Variants in PNPLA1 observed in about 807,000 individuals in gnomAD.
PNPLA1 encodes patatin like domain 1, omega-hydroxyceramide transacylase.
Under a neutral mutation model 51.7 loss-of-function variants are expected in PNPLA1, and 36 were observed. That is an observed-to-expected ratio of 0.70 (90% CI 0.53 to 0.92). The LOEUF (loss-of-function observed/expected upper bound fraction) is 0.92, where lower values mean the gene tolerates loss of function less well. Among genes scored for constraint, PNPLA1 ranks in the 40% least tolerant of loss-of-function variants. The probability of loss-of-function intolerance (pLI) is 0.00; values close to 1 mark genes in which losing one functional copy is unlikely to be tolerated. For missense variants in PNPLA1, 658 were observed against 682.5 expected (o/e 0.96, Z 0.40); for synonymous variants, 293 against 280.1 (o/e 1.05, Z -0.46).
Position 36,294,616 on chromosome 6 carries a change from G to A in PNPLA1, c.714+217G>A, listed in dbSNP as rs533036176. On this transcript the variant is annotated intron_variant, in intron 4 of 8. Transcript: ENST00000636260. This position sits in a 1 kb window ranked among gnomAD's most constrained non-coding sequence, Gnocchi z 4.2. The stretch of plus-strand genomic sequence containing the variant: ...TCTCCCAGCTTCAACATTCTCCCCG[G>A]TAAAGCGAGATGATGCCAGAAGTGC... Among the ~76,000 whole-genome samples, 1 of 152,256 alleles carries A rather than the reference G, an allele frequency of 6.6e-6. No homozygotes were observed. Among genetic ancestry groups the A allele is most frequent in the Admixed American group, 6.5e-5 (1 of 15,288 alleles).
At chr6:36,269,684 C>G (rs1030601902), upstream of PNPLA1, among the ~76,000 whole-genome samples, 2 of 152,158 alleles carry the variant, frequency 1.3e-5, no homozygotes, top group Admixed American at 6.5e-5. Flanking sequence ...GGAGAAGAAA[C>G]AGAGAGAGGT....
chr6:36,261,738 G>A (rs1769653836), intron 1 of PNPLA1, among the ~76,000 whole-genome samples: 1 of 152,212 alleles, frequency 6.6e-6, no homozygotes, highest in African/African-American at 2.4e-5. Context: ...CCATTTTCTA[G>A]ATGAGAAAGC....
intron 3 of PNPLA1, among the ~76,000 whole-genome samples, chr6:36,293,882 T>C (rs769718960): frequency 2.0e-5 from 3 of 151,896 alleles, no homozygotes; most frequent in Non-Finnish European, 4.4e-5. Context: ...TTACCCAGAG[T>C]ATGGGTCCCC....
rs947326480 is a variant in PNPLA1, at chr6:36,294,828, C to T, written c.714+429C>T. On this transcript the variant is annotated intron_variant, in intron 4 of 8. Coordinates refer to ENST00000636260, the MANE Select transcript of PNPLA1 (RefSeq NM_001374623.1). The surrounding 1 kb of genome is among the most constrained non-coding windows in gnomAD (Gnocchi z 4.2). The stretch of plus-strand genomic sequence containing the variant: ...AAAAAAAGAAGAAAAAGAAAAAGAA[C>T]ATTAGGCAGAGACTGCATGTGGCCA... Among the ~76,000 whole-genome samples, 10 of 152,186 alleles carry T rather than the reference C, an allele frequency of 6.6e-5. No individual in the cohort carries two copies. Among genetic ancestry groups the T allele is most frequent in the Admixed American group, 3.9e-4 (6 of 15,282 alleles).
intron 1 of PNPLA1, among the ~76,000 whole-genome samples, chr6:36,276,497 C>G (rs1215164394): frequency 2.0e-5 from 3 of 152,214 alleles, no homozygotes; most frequent in Non-Finnish European, 4.4e-5. Flanking sequence ...TTAATCCATT[C>G]ATTCACCTAG....
intron 1 of PNPLA1, among the ~76,000 whole-genome samples, chr6:36,259,759 CACTT>C (rs1769607970): frequency 6.6e-6 from 1 of 152,160 alleles, no homozygotes; most frequent in Non-Finnish European, 1.5e-5. Flanking sequence ...CGCATGTTCT[CACTT>C]ATAAGTGGGA....
intron 1 of PNPLA1, among the ~76,000 whole-genome samples, chr6:36,256,420 CT>C (rs1212757670): frequency 6.6e-6 from 1 of 151,940 alleles, no homozygotes; most frequent in African/African-American, 2.4e-5. Flanking sequence ...ACTTATGATG[CT>C]CTAAGAAATT....
At chr6:36,271,679 G>A (rs1342885457) in intron 1 of PNPLA1, among the ~76,000 whole-genome samples, 1 of 152,236 alleles carries the variant, frequency 6.6e-6, no homozygotes, top group Non-Finnish European at 1.5e-5. Context: ...GCTACTGGGA[G>A]CTCCTGAAAA....
intron 1 of PNPLA1, among the ~76,000 whole-genome samples, chr6:36,245,782 A>G (rs896589868): frequency 2.0e-5 from 3 of 152,178 alleles, no homozygotes; most frequent in African/African-American, 2.4e-5. Flanking sequence ...GTAGGCAAAC[A>G]GGGGCTCAGG....
upstream of PNPLA1, among the ~76,000 whole-genome samples, chr6:36,269,545 GA>G (rs1769845923): frequency 6.6e-6 from 1 of 152,096 alleles, no homozygotes; most frequent in Non-Finnish European, 1.5e-5. Context: ...CACGCAACAC[GA>G]AGCCTCACAC....
At chr6:36,247,820 T>C (rs1288528769) in intron 1 of PNPLA1, among the ~76,000 whole-genome samples, 1 of 152,254 alleles carries the variant, frequency 6.6e-6, no homozygotes, top group African/African-American at 2.4e-5. Context: ...CACAGGATTC[T>C]GAACCCTTAC....
chr6:36,248,065 C>CA (rs1769336998), intron 1 of PNPLA1, among the ~76,000 whole-genome samples: 1 of 152,170 alleles, frequency 6.6e-6, no homozygotes, highest in Non-Finnish European at 1.5e-5. Context: ...CACCGTGTAC[C>CA]ATGCCCTCTC....
At chr6:36,295,284 G>A (rs1037111284) in intron 4 of PNPLA1, 80 bp from the exon 5 acceptor site, 19 of 1,429,424 alleles carry the variant, frequency 1.3e-5, no homozygotes, top group Middle Eastern at 1.8e-4. Context: ...AGCAATGGGA[G>A]TAGCTGCCCT....
intron 4 of PNPLA1, among the ~76,000 whole-genome samples, chr6:36,295,055 T>C (rs1227834135): frequency 6.6e-6 from 1 of 152,138 alleles, no homozygotes; most frequent in African/African-American, 2.4e-5. Context: ...GGCTCCAAAC[T>C]TTGCTCTTCA....
At chr6:36,261,143 G>A (rs1377673398) in intron 1 of PNPLA1, among the ~76,000 whole-genome samples, 1 of 152,176 alleles carries the variant, frequency 6.6e-6, no homozygotes, top group African/African-American at 2.4e-5. Context: ...CCATTTTCAT[G>A]ATCATTTTTA....
In PNPLA1 at chr6:36,270,493, A is replaced by C. The variant is rs1582045770; in HGVS notation, c.34A>C (p.Thr12Pro). 1 of 1,551,248 alleles carries C rather than the reference A, an allele frequency of 6.4e-7. No homozygotes were observed. Among genetic ancestry groups the C allele is most frequent in the Non-Finnish European group, 8.7e-7 (1 of 1,146,942 alleles). Residue 12 changes from threonine (T) to proline (P), a missense_variant, in exon 1 of 9, where the codon ACC becomes CCC. Transcript: ENST00000636260. ...ACAGGTGTTCAAGGGGGACCCGGAC[A>C]CCCCTCACTCCATCTCCTTCTCGGG... ...EEQVFKGDPD[T>P]PHSISFSGSG... is the part of the protein sequence containing the mutation.
intron 5 of PNPLA1, 136 bp downstream of exon 5, chr6:36,295,560 T>C: frequency 1.1e-6 from 1 of 941,786 alleles, no homozygotes; most frequent in Non-Finnish European, 1.7e-6. Context: ...GAGCTGGAAA[T>C]GGGGGTGGGG....
Position 36,300,144 on chromosome 6 carries a change from T to A in PNPLA1, c.776-1717T>A, listed in dbSNP as rs116242346. 2.0e-3 allele frequency among the ~76,000 whole-genome samples: 308 copies of A among 151,466 alleles called. 2 individuals are homozygous for A. Among genetic ancestry groups the A allele is most frequent in the African/African-American group, 7.1e-3 (293 of 41,262 alleles). On this transcript the variant is annotated intron_variant, in intron 5 of 8. Coordinates refer to ENST00000636260, the MANE Select transcript of PNPLA1 (RefSeq NM_001374623.1). The stretch of plus-strand genomic sequence containing the variant: ...GTTTCCTCTTGCCTATAACAGTTTC[T>A]CAGACTTTTCTTATTCTTGTGTGTG...
intron 1 of PNPLA1, among the ~76,000 whole-genome samples, chr6:36,246,462 A>C (rs1769286341): frequency 6.6e-6 from 1 of 152,132 alleles, no homozygotes; most frequent in Admixed American, 6.5e-5. Context: ...TTGGCCTCCC[A>C]AAGTGCTGGA....
Sources: allele counts gnomAD v4.1 joint callset (sites outside exome capture counted in the v4.1 genomes callset), GRCh38; gene constraint gnomAD v4.1.1; non-coding constraint Gnocchi (gnomAD v3.1); transcripts MANE v1.5; gene names NCBI Gene and HGNC (gene_info 2026-07-23, HGNC 2026-07-21).